Variants in KMT2C observed in about 807,000 individuals in gnomAD.
KMT2C encodes lysine methyltransferase 2C, also known as histone-lysine N-methyltransferase 2C.
In KMT2C, 88 loss-of-function variants were observed where a neutral mutation model predicts 507.9. The observed-to-expected ratio is 0.17, with a 90% CI of 0.15 to 0.21. KMT2C has a LOEUF of 0.21. Ranked by LOEUF, KMT2C falls within the 10% of genes least tolerant of loss-of-function variation. KMT2C has a pLI of 1.00. For synonymous variants in KMT2C, 2,049 were observed against 2,080.8 expected, an observed-to-expected ratio of 0.98 and a Z score of 0.42; for missense variants, 4,954 against 5,957.8, an observed-to-expected ratio of 0.83 and a Z score of 5.55.
In KMT2C at chr7:152,159,173, T is replaced by C. The variant is rs143419045; in HGVS notation, c.11461-101A>G. The C allele has an allele frequency of 2.7e-4, 247 of 921,320 alleles. No homozygotes were observed. In the East Asian group the frequency reaches 4.8e-3, roughly 18 times the overall value. The allele number at this position is 921,320 out of a possible 1,614,324, so 57.1% of individuals were successfully genotyped here. On this transcript the variant is annotated intron_variant, in intron 43 of 58. Transcript: ENST00000262189. ...ATGACGCGTCATCCTAACATGGCAC[T>C]AAAAGGTATTAAATAAGTAGGGAAG...
chr7:152,157,092 T>A (rs10228222), intron 44 of KMT2C, among the ~76,000 whole-genome samples: 6,334 of 152,190 alleles, frequency 0.042, 451 homozygotes, highest in African/African-American at 0.14. Flanking sequence ...GATAGTTTTT[T>A]TTTTTTCTTT....
At chr7:152,179,017 G>C (rs1247527869) in intron 37 of KMT2C, among the ~76,000 whole-genome samples, 1 of 152,182 alleles carries the variant, frequency 6.6e-6, no homozygotes, top group Admixed American at 6.5e-5. Flanking sequence ...TTGAGACAGA[G>C]TCTCGTTCTG....
At chr7:152,243,255 A>G (rs989638338) in intron 14 of KMT2C, among the ~76,000 whole-genome samples, 14 of 152,214 alleles carry the variant, frequency 9.2e-5, no homozygotes, top group African/African-American at 1.4e-4. Context: ...TATCTCCAAA[A>G]ATACCACAAC....
At chr7:152,153,184 C>T (rs555212924) in intron 48 of KMT2C, among the ~76,000 whole-genome samples, 1 of 152,224 alleles carries the variant, frequency 6.6e-6, no homozygotes, top group Admixed American at 6.5e-5. Flanking sequence ...TTCCAATTAA[C>T]ATTAAATATC....
At chr7:152,303,301 T>C (rs2096587548) in intron 6 of KMT2C, among the ~76,000 whole-genome samples, 1 of 152,212 alleles carries the variant, frequency 6.6e-6, no homozygotes. Context: ...AACCAGGATT[T>C]CTCAACCTCA....
chr7:152,260,206 T>C (rs141871698), intron 9 of KMT2C, among the ~76,000 whole-genome samples: 26 of 152,320 alleles, frequency 1.7e-4, no homozygotes, highest in Non-Finnish European at 2.9e-4. Flanking sequence ...AGTCCCTTCA[T>C]AGAACAGGAT....
At chr7:152,368,089 C>T in intron 1 of KMT2C, 2 of 908,218 alleles carry the variant, frequency 2.2e-6, no homozygotes. Context: ...TTACCTCTTG[C>T]TGTGGTAAGC....
chr7:152,419,155 GC>G (rs2097763804), intron 1 of KMT2C, among the ~76,000 whole-genome samples: 1 of 152,090 alleles, frequency 6.6e-6, no homozygotes, highest in African/African-American at 2.4e-5. Context: ...TTTGAGACCA[GC>G]CTGGCCAACA....
chr7:152,195,630 T>C, intron 28 of KMT2C: 1 of 775,742 alleles, frequency 1.3e-6, no homozygotes, highest in Non-Finnish European at 1.6e-6. Flanking sequence ...TGAGGGAAAA[T>C]ACAAACAAAA....
intron 2 of KMT2C, among the ~76,000 whole-genome samples, chr7:152,346,748 T>C (rs983819040): frequency 6.6e-6 from 1 of 152,170 alleles, no homozygotes; most frequent in East Asian, 1.9e-4. Context: ...ACCAATAACA[T>C]AAACAGTAGA....
chr7:152,179,424 A>G (rs2093348753), intron 37 of KMT2C, among the ~76,000 whole-genome samples: 1 of 152,264 alleles, frequency 6.6e-6, no homozygotes, highest in Non-Finnish European at 1.5e-5. Context: ...AAACTGCATC[A>G]TTAAGGGTGC....
rs2129106569 is a variant in KMT2C, at chr7:152,167,183, G to A, written c.9713C>T (p.Thr3238Ile). Reference sequence around the variant, plus strand: ...TTTCTGAACCATGCTTTGCTGTTCAGTAACATGCTTGAGTTGTTCTGCATC... The same window carrying A: ...TTTCTGAACCATGCTTTGCTGTTCAATAACATGCTTGAGTTGTTCTGCATC... Reference protein sequence around the residue: ...EEDAEQLKHVTEQQSMVQKQL... With the variant: ...EEDAEQLKHVIEQQSMVQKQL... The change falls in exon 42 of 59, where the codon ACT (threonine) becomes ATT (isoleucine). Residue 3238 changes from threonine to isoleucine, a missense_variant. This residue lies in a region of KMT2C where 71 missense variants were observed against 139.2 expected (regional missense o/e 0.51). Transcript: ENST00000262189. The A allele has an allele frequency of 6.2e-7, 1 of 1,614,120 alleles. No individual in the cohort carries two copies. The highest frequency in any genetic ancestry group is 8.5e-7 in the Non-Finnish European group (1 of 1,179,994).
chr7:152,434,231 C>G (rs767316694), intron 1 of KMT2C, among the ~76,000 whole-genome samples: 1 of 152,158 alleles, frequency 6.6e-6, no homozygotes, highest in Non-Finnish European at 1.5e-5. Flanking sequence ...CTTTGTATCA[C>G]GAACAAGCTA....
intron 6 of KMT2C, among the ~76,000 whole-genome samples, chr7:152,286,137 C>T (rs2096292853): frequency 6.6e-6 from 1 of 152,304 alleles, no homozygotes; most frequent in African/African-American, 2.4e-5. Flanking sequence ...AGTAAAAACA[C>T]TGGGAAGAAA....
chr7:152,169,523 T>C (rs545298055), intron 40 of KMT2C, among the ~76,000 whole-genome samples: 1 of 152,288 alleles, frequency 6.6e-6, no homozygotes, highest in Non-Finnish European at 1.5e-5. Context: ...AGAAATATAA[T>C]ACAGGGCAAA....
chr7:152,275,950 G>T lies in KMT2C; in HGVS notation c.850-2083C>A, dbSNP rs193186296. Among the ~76,000 whole-genome samples the T allele has an allele frequency of 6.8e-3, 1,033 of 152,222 alleles. 12 individuals carry two copies. Among genetic ancestry groups the T allele is most frequent in the South Asian group, 0.034 (166 of 4,826 alleles). On this transcript the variant is annotated intron_variant, in intron 6 of 58. Coordinates refer to ENST00000262189, the MANE Select transcript of KMT2C (RefSeq NM_170606.3). ...AATGAGAGGTAAGTATATAATAACA[G>T]AAAGTAATTTAAATTGACCAGCTTC...
Position 152,330,861 on chromosome 7 carries a change from C to T in KMT2C, c.251-122G>A, listed in dbSNP as rs865854760. 2.7e-5 allele frequency: 25 copies of T among 914,978 alleles called. 1 individual carries two copies. The South Asian group carries it at 4.0e-4, about 14-fold the overall frequency. 56.7% of individuals were successfully genotyped at this position (914,978 alleles called of 1,614,324 possible). On this transcript the variant is annotated intron_variant, in intron 2 of 58. Transcript: ENST00000262189. ...AGAAACAACAAATAACAATATTTCACTAACACAAGAAAAGTTCATGCACGT... is the reference window on the plus strand; with the variant it reads ...AGAAACAACAAATAACAATATTTCATTAACACAAGAAAAGTTCATGCACGT...
At chr7:152,307,612 C>T (rs1332634219) in intron 6 of KMT2C, among the ~76,000 whole-genome samples, 2 of 152,112 alleles carry the variant, frequency 1.3e-5, no homozygotes, top group Non-Finnish European at 2.9e-5. Context: ...TAAACAAAGT[C>T]GGAAGGGATG....
chr7:152,215,729 C>T lies in KMT2C; in HGVS notation c.3712+4794G>A, dbSNP rs529680870. Among the ~76,000 whole-genome samples, 187 of 137,302 alleles carry T rather than the reference C, an allele frequency of 1.4e-3. 2 individuals carry two copies. Among genetic ancestry groups the T allele is most frequent in the African/African-American group, 4.8e-3 (170 of 35,188 alleles). The allele number at this position is 137,302 out of a possible 152,430, so 90.1% of individuals were successfully genotyped here. Reference sequence around the variant, plus strand: ...CACACAAAATATATATATATACACACACACACACACACACACACATTTCCT... The same window carrying T: ...CACACAAAATATATATATATACACATACACACACACACACACACATTTCCT... On this transcript the variant is annotated intron_variant, in intron 23 of 58. Transcript: ENST00000262189.
Sources: gnomAD v4.1 joint callset for allele counts (sites outside exome capture counted in the v4.1 genomes callset) on GRCh38, gnomAD v4.1.1 for gene constraint, gnomAD v4.1.1 regional missense constraint, MANE v1.5 for transcripts, NCBI Gene and HGNC (gene_info 2026-07-23, HGNC 2026-07-21) for gene names.